The following BMERB1 variants were observed in gnomAD, a reference collection of about 807,000 sequenced individuals.
BMERB1 encodes the protein bMERB domain-containing protein 1.
In BMERB1, 12 loss-of-function variants were observed where a neutral mutation model predicts 23.6. The ratio of observed to expected loss-of-function variants is 0.51; its 90% CI spans 0.33 to 0.82. BMERB1 has a LOEUF of 0.82. Among genes scored for constraint, BMERB1 ranks in the 40% least tolerant of loss-of-function variants. BMERB1 has a pLI of 0.03. For missense variants in BMERB1, 247 were observed against 255.4 expected (o/e 0.97, Z 0.22); for synonymous variants, 122 against 96.6 (o/e 1.26, Z -1.54).
At chr16:15,555,259 A>C (rs995996542) in intron 2 of BMERB1, among the ~76,000 whole-genome samples, 1 of 152,054 alleles carries the variant, frequency 6.6e-6, no homozygotes, top group Non-Finnish European at 1.5e-5. Context: ...TATTGTGTAG[A>C]GACAGAGTCT....
At chr16:15,447,796 T>G in intron 1 of BMERB1, 1 of 451,922 alleles carries the variant, frequency 2.2e-6, no homozygotes, top group Admixed American at 2.4e-5. Context: ...AAAAGGATGG[T>G]TAAGCAGGAC....
Position 15,528,487 on chromosome 16 carries a change from C to T in BMERB1, c.230+13059C>T, listed in dbSNP as rs2051931206. 3.9e-5 allele frequency among the ~76,000 whole-genome samples: 6 copies of T among 152,070 alleles called. 1 individual carries two copies. The South Asian group carries it at 1.2e-3, about 32-fold the overall frequency. ...CCAGAATTTGTTAGCATGATAAAGC[C>T]CATGAGATCTTGCTGGATCTGCTCA... On this transcript the variant is annotated intron_variant, in intron 2 of 5. Coordinates refer to ENST00000300006, the MANE Select transcript of BMERB1 (RefSeq NM_033201.3).
chr16:15,549,221 C>A (rs953115807), intron 2 of BMERB1, among the ~76,000 whole-genome samples: 2 of 151,978 alleles, frequency 1.3e-5, no homozygotes, highest in African/African-American at 4.8e-5. Flanking sequence ...TGCCTGTAAT[C>A]CCAGCTACTT....
intron 2 of BMERB1, among the ~76,000 whole-genome samples, chr16:15,532,439 G>A (rs568300762): frequency 3.9e-5 from 6 of 151,946 alleles, no homozygotes; most frequent in South Asian, 2.1e-4. Context: ...CATATTGGCC[G>A]GGCTGGTCTT....
chr16:15,514,939 A>G (rs924129441), intron 1 of BMERB1, among the ~76,000 whole-genome samples: 3 of 152,004 alleles, frequency 2.0e-5, no homozygotes, highest in African/African-American at 7.2e-5. Context: ...CAAATTAGCC[A>G]GGCGAGGTGT....
intron 1 of BMERB1, among the ~76,000 whole-genome samples, chr16:15,477,865 TCTC>T (rs1005242587): frequency 6.6e-6 from 1 of 152,126 alleles, no homozygotes; most frequent in African/African-American, 2.4e-5. Context: ...TAGTATGTCT[TCTC>T]CTTTTCACCT....
chr16:15,517,750 TTGTGTGGATG>T (rs140653374), intron 2 of BMERB1, among the ~76,000 whole-genome samples: 2,250 of 151,420 alleles, frequency 0.015, 58 homozygotes, highest in African/African-American at 0.052. Context: ...GTGTGGATAT[TTGTGTGGATG>T]TGTGTGGATG....
chr16:15,568,127 C>A, intron 3 of BMERB1, 71 bp downstream of exon 3: 1 of 1,349,584 alleles, frequency 7.4e-7, no homozygotes, highest in Non-Finnish European at 1.0e-6. Flanking sequence ...ATCTGTACGC[C>A]TGGGTCTGGA....
At chr16:15,454,052 CTCACACA>C (rs754651215) in intron 1 of BMERB1, among the ~76,000 whole-genome samples, 23 of 152,054 alleles carry the variant, frequency 1.5e-4, no homozygotes, top group Non-Finnish European at 2.5e-4. Context: ...GGTCTCTTTT[CTCACACA>C]TCTCTGCTCT....
intron 1 of BMERB1, among the ~76,000 whole-genome samples, chr16:15,463,414 C>T (rs1356317193): frequency 2.0e-5 from 3 of 152,044 alleles, no homozygotes; most frequent in African/African-American, 7.2e-5. Flanking sequence ...TTGAAGGCAT[C>T]CTTTGAACCA....
intron 2 of BMERB1, among the ~76,000 whole-genome samples, chr16:15,541,843 C>T (rs1201827700): frequency 1.3e-5 from 2 of 151,294 alleles, no homozygotes; most frequent in Non-Finnish European, 1.5e-5. Flanking sequence ...ACCTCATGAT[C>T]CGCCCGCCTC....
intron 4 of BMERB1, 105 bp from the exon 5 acceptor site, chr16:15,583,051 A>G: frequency 3.5e-6 from 3 of 851,336 alleles, no homozygotes; most frequent in Non-Finnish European, 6.1e-6. Context: ...TACATGCCCC[A>G]TCCACAAAGC....
chr16:15,556,747 A>G (rs1169828717), intron 2 of BMERB1, among the ~76,000 whole-genome samples: 1 of 151,910 alleles, frequency 6.6e-6, no homozygotes, highest in Non-Finnish European at 1.5e-5. Flanking sequence ...CACCACGCCC[A>G]GCTAATTTTT....
At chr16:15,542,343 G>A (rs935720857) in intron 2 of BMERB1, among the ~76,000 whole-genome samples, 18 of 152,032 alleles carry the variant, frequency 1.2e-4, no homozygotes, top group African/African-American at 4.1e-4. Flanking sequence ...GATTACAGGC[G>A]TGAGCCACCG....
chr16:15,584,848 C>T (rs1172081354), intron 5 of BMERB1, among the ~76,000 whole-genome samples: 2 of 152,150 alleles, frequency 1.3e-5, no homozygotes, highest in Non-Finnish European at 2.9e-5. Flanking sequence ...ATACATAAGT[C>T]TCAGGGAAAT....
intron 3 of BMERB1, among the ~76,000 whole-genome samples, chr16:15,580,673 G>A (rs976154615): frequency 4.0e-5 from 6 of 150,066 alleles, no homozygotes; most frequent in African/African-American, 1.5e-4. Context: ...TCAGCCTCCC[G>A]AGTAGCTGGG....
chr16:15,565,872 A>G (rs950046295), intron 2 of BMERB1, among the ~76,000 whole-genome samples: 1 of 152,148 alleles, frequency 6.6e-6, no homozygotes, highest in Non-Finnish European at 1.5e-5. Flanking sequence ...AACAACAAAG[A>G]CAAAGACACG....
chr16:15,478,116 C>T (rs2051288501), intron 1 of BMERB1, among the ~76,000 whole-genome samples: 1 of 151,922 alleles, frequency 6.6e-6, no homozygotes, highest in South Asian at 2.1e-4. Context: ...TTAAGAAATC[C>T]TTCTCGACAT....
At chr16:15,560,631 A>G (rs2030390050) in intron 2 of BMERB1, among the ~76,000 whole-genome samples, 1 of 151,848 alleles carries the variant, frequency 6.6e-6, no homozygotes, top group African/African-American at 2.4e-5. Flanking sequence ...TTCTCTACCA[A>G]AAATACAAAA....
Sources: gnomAD v4.1 joint callset for allele counts (sites outside exome capture counted in the v4.1 genomes callset) on GRCh38, gnomAD v4.1.1 for gene constraint, MANE v1.5 for transcripts, NCBI Gene and HGNC (gene_info 2026-07-23, HGNC 2026-07-21) for gene names.